Variants in ADARB2 observed in about 807,000 individuals in gnomAD.
ADARB2 encodes adenosine deaminase RNA specific B2 (inactive).
In ADARB2, 25 loss-of-function variants were observed where a neutral mutation model predicts 62.2. The ratio of observed to expected loss-of-function variants is 0.40; its 90% CI spans 0.29 to 0.56. The LOEUF is 0.56. Among genes scored for constraint, ADARB2 ranks in the 20% least tolerant of loss-of-function variants. The pLI, the probability that ADARB2 is intolerant of heterozygous loss-of-function variation, is 0.43. For synonymous variants in ADARB2, 572 were observed against 500.8 expected (o/e 1.14, Z -1.90); for missense variants, 1,071 against 1,077.4 (o/e 0.99, Z 0.08).
chr10:1,468,480 C>T (rs964850795), intron 1 of ADARB2, among the ~76,000 whole-genome samples: 7 of 152,312 alleles, frequency 4.6e-5, no homozygotes, highest in African/African-American at 7.2e-5. Flanking sequence ...CTCACAGATC[C>T]GGCTGTGGTG....
chr10:1,467,527 A>T (rs2813415), intron 1 of ADARB2, among the ~76,000 whole-genome samples: 3,575 of 152,208 alleles, frequency 0.023, 149 homozygotes, highest in African/African-American at 0.08. Flanking sequence ...CTGGCTCAGG[A>T]TGGAGACTCA....
intron 1 of ADARB2, among the ~76,000 whole-genome samples, chr10:1,586,911 A>G (rs1833188508): frequency 1.3e-5 from 2 of 152,252 alleles, no homozygotes; most frequent in Admixed American, 6.5e-5. Flanking sequence ...ATGTAATGAA[A>G]TCAATATATA....
At chr10:1,483,215 C>T (rs761142490) in intron 1 of ADARB2, among the ~76,000 whole-genome samples, 1 of 152,146 alleles carries the variant, frequency 6.6e-6, no homozygotes, top group Non-Finnish European at 1.5e-5. Context: ...TCAAATGATG[C>T]TAAAAGTAAA....
chr10:1,379,030 G>T, intron 2 of ADARB2, 44 bp downstream of exon 2: 1 of 1,542,720 alleles, frequency 6.5e-7, no homozygotes, highest in South Asian at 1.1e-5. Context: ...CTGCACAAAG[G>T]ATACAGGGGC....
chr10:1,537,465 T>G (rs1284659311), intron 1 of ADARB2, among the ~76,000 whole-genome samples: 1 of 152,258 alleles, frequency 6.6e-6, no homozygotes, highest in African/African-American at 2.4e-5. Flanking sequence ...TTACTGGGTA[T>G]ATACCCAAAG....
At chr10:1,511,280 C>T (rs1338132807) in intron 1 of ADARB2, among the ~76,000 whole-genome samples, 1 of 152,290 alleles carries the variant, frequency 6.6e-6, no homozygotes, top group South Asian at 2.1e-4. Context: ...TATCAGAATG[C>T]CTTTTTTGTT....
At chr10:1,359,814 C>A (rs1405989204) in intron 3 of ADARB2, among the ~76,000 whole-genome samples, 2 of 152,202 alleles carry the variant, frequency 1.3e-5, no homozygotes, top group East Asian at 3.9e-4. Context: ...GACCACCCGA[C>A]GAGCTGGAAG....
At chr10:1,228,133 T>C (rs1486119604) in intron 6 of ADARB2, among the ~76,000 whole-genome samples, 2 of 152,232 alleles carry the variant, frequency 1.3e-5, no homozygotes, top group African/African-American at 4.8e-5. Flanking sequence ...TTCTAGTCGT[T>C]GAATGGAATT....
rs546306259 is a variant in ADARB2, at chr10:1,677,637, G to A, written c.100+59414C>T. The stretch of plus-strand genomic sequence containing the variant: ...TCATGGATTTGGAGCTCAAGAAGGC[G>A]GCTGTCTACCTGTTGTTGGATTCAC... On this transcript the variant is annotated intron_variant, in intron 1 of 9. Transcript: ENST00000381312. Among the ~76,000 whole-genome samples the A allele has an allele frequency of 5.5e-4, 84 of 152,268 alleles. 1 individual carries two copies. In the South Asian group the frequency reaches 0.012, roughly 22 times the overall value.
intron 1 of ADARB2, among the ~76,000 whole-genome samples, chr10:1,455,579 T>G (rs1443867549): frequency 6.6e-6 from 1 of 152,216 alleles, no homozygotes; most frequent in Admixed American, 6.5e-5. Context: ...TTTCTTTCTC[T>G]AAAAAAGTTT....
intron 1 of ADARB2, among the ~76,000 whole-genome samples, chr10:1,636,805 A>G (rs1833922494): frequency 6.7e-6 from 1 of 148,472 alleles, no homozygotes; most frequent in Admixed American, 6.8e-5. Flanking sequence ...GACATATATA[A>G]TATTGTTATA....
chr10:1,531,201 C>T (rs1007582487), intron 1 of ADARB2, among the ~76,000 whole-genome samples: 22 of 152,194 alleles, frequency 1.4e-4, no homozygotes, highest in Admixed American at 4.6e-4. Flanking sequence ...AGAGTAACCA[C>T]GGAATGATCT....
chr10:1,600,528 G>A (rs1833397649), intron 1 of ADARB2, among the ~76,000 whole-genome samples: 1 of 151,966 alleles, frequency 6.6e-6, no homozygotes, highest in African/African-American at 2.4e-5. Flanking sequence ...TGGGCGTGGT[G>A]GTGCGCCCCT....
chr10:1,482,389 A>C (rs1463070459), intron 1 of ADARB2, among the ~76,000 whole-genome samples: 3 of 152,228 alleles, frequency 2.0e-5, no homozygotes, highest in African/African-American at 4.8e-5. Context: ...TGGTTTGTGC[A>C]TAATGGAGGC....
intron 1 of ADARB2, among the ~76,000 whole-genome samples, chr10:1,586,475 G>A (rs939530254): frequency 3.3e-5 from 5 of 152,210 alleles, no homozygotes; most frequent in African/African-American, 9.7e-5. Context: ...ATAGAGTGAA[G>A]CCTTTCTTGT....
Position 1,737,395 on chromosome 10 carries a change from G to C in ADARB2, c.-245C>G. ...CTGGAGCGAGCTGCTCCCTGGTCAG[G>C]GAGGGCGGGGAAGGGCGCGCGGCGT... On this transcript the variant is annotated 5_prime_UTR_variant, in exon 1 of 10. Coordinates refer to ENST00000381312, the MANE Select transcript of ADARB2 (RefSeq NM_018702.4). The C allele has an allele frequency of 2.1e-6, 1 of 482,352 alleles. No individual in the cohort carries two copies. The highest frequency in any genetic ancestry group is 2.9e-5 in the South Asian group (1 of 34,228). 29.9% of individuals were successfully genotyped at this position (482,352 alleles called of 1,614,324 possible). A position where few individuals can be genotyped will look rare whatever the true frequency, so the allele number is the denominator to read the frequency against.
At chr10:1,275,841 A>AT (rs1264506192) in intron 3 of ADARB2, among the ~76,000 whole-genome samples, 1 of 151,854 alleles carries the variant, frequency 6.6e-6, no homozygotes, top group Admixed American at 6.6e-5. Flanking sequence ...CGAACTCATC[A>AT]TTTTTTATGG....
At chr10:1,403,884 G>A (rs1358737723) in intron 1 of ADARB2, among the ~76,000 whole-genome samples, 3 of 152,140 alleles carry the variant, frequency 2.0e-5, no homozygotes, top group Admixed American at 6.5e-5. Context: ...CTGCCTCCCC[G>A]ATTGGAGGCA....
chr10:1,227,352 TC>T (rs1830757171), intron 6 of ADARB2, among the ~76,000 whole-genome samples: 1 of 152,220 alleles, frequency 6.6e-6, no homozygotes, highest in Non-Finnish European at 1.5e-5. Flanking sequence ...CCCTTGCGCT[TC>T]CCGGGTGAGG....
Sources: allele counts gnomAD v4.1 joint callset (sites outside exome capture counted in the v4.1 genomes callset), GRCh38; gene constraint gnomAD v4.1.1; transcripts MANE v1.5; gene names NCBI Gene and HGNC (gene_info 2026-07-23, HGNC 2026-07-21).